ATP8B4: variants seen among roughly 807,000 people sequenced by gnomAD.
ATP8B4 encodes the protein probable phospholipid-transporting ATPase IM.
A neutral mutation model predicts 145.6 loss-of-function variants in ATP8B4; 133 were observed. The ratio of observed to expected loss-of-function variants is 0.91; its 90% CI spans 0.79 to 1.05. The LOEUF is 1.05. Among genes scored for constraint, ATP8B4 ranks in the 50% least tolerant of loss-of-function variants. The pLI is 0.00. For synonymous variants in ATP8B4, 507 were observed against 492.9 expected (o/e 1.03, Z -0.38); for missense variants, 1,458 against 1,425.2 (o/e 1.02, Z -0.37).
At chr15:49,922,839 C>G (rs1259256063) in intron 17 of ATP8B4, among the ~76,000 whole-genome samples, 1 of 152,180 alleles carries the variant, frequency 6.6e-6, no homozygotes, top group Non-Finnish European at 1.5e-5. Flanking sequence ...TCAGAATATA[C>G]AAGTTTGGTG....
chr15:50,050,834 T>A (rs1413238566), intron 3 of ATP8B4, among the ~76,000 whole-genome samples: 1 of 152,110 alleles, frequency 6.6e-6, no homozygotes, highest in Non-Finnish European at 1.5e-5. Flanking sequence ...TCCACAAAGA[T>A]AACATGAGAA....
intron 12 of ATP8B4, among the ~76,000 whole-genome samples, chr15:49,973,064 G>A (rs768537359): frequency 3.6e-4 from 54 of 152,084 alleles, no homozygotes; most frequent in Admixed American, 1.2e-3. Context: ...AAACAGGCCC[G>A]GTGGAGACTT....
chr15:50,098,492 C>A (rs1337612502), intron 2 of ATP8B4, among the ~76,000 whole-genome samples: 2 of 151,472 alleles, frequency 1.3e-5, no homozygotes, highest in Non-Finnish European at 2.9e-5. Flanking sequence ...CTATGTGGCC[C>A]AGGCTGGTCT....
At chr15:50,026,016 T>A (rs2049981636) in intron 6 of ATP8B4, among the ~76,000 whole-genome samples, 1 of 152,212 alleles carries the variant, frequency 6.6e-6, no homozygotes, top group Non-Finnish European at 1.5e-5. Context: ...ATTTCTTCCA[T>A]CTGGAATACA....
chr15:50,120,179 C>T (rs1031461253), upstream of ATP8B4, among the ~76,000 whole-genome samples: 1 of 152,046 alleles, frequency 6.6e-6, no homozygotes, highest in African/African-American at 2.4e-5. Flanking sequence ...TAATCCCCTG[C>T]GCACCATCAA....
intron 1 of ATP8B4, among the ~76,000 whole-genome samples, chr15:50,116,791 G>C (rs12908812): frequency 5.9e-5 from 9 of 152,096 alleles, no homozygotes; most frequent in Non-Finnish European, 1.2e-4. Context: ...TCAAACTCCA[G>C]TTGAGTAAAT....
At chr15:49,954,048 G>T (rs925794290) in intron 14 of ATP8B4, among the ~76,000 whole-genome samples, 9 of 151,672 alleles carry the variant, frequency 5.9e-5, no homozygotes, top group African/African-American at 2.2e-4. Context: ...TTGGTTGCCG[G>T]TGAAGGATTC....
chr15:50,102,879 A>G (rs2056455641), intron 2 of ATP8B4, among the ~76,000 whole-genome samples: 1 of 152,148 alleles, frequency 6.6e-6, no homozygotes, highest in South Asian at 2.1e-4. Context: ...ACAACATATC[A>G]AAAAGATTCT....
intron 14 of ATP8B4, among the ~76,000 whole-genome samples, chr15:49,947,451 A>AAG (rs1567051777): frequency 6.6e-6 from 1 of 151,556 alleles, no homozygotes; most frequent in East Asian, 1.9e-4. Flanking sequence ...AAAAAAAAAA[A>AAG]AAAAGAAAAC....
chr15:50,053,940 T>C (rs2052382738), intron 3 of ATP8B4, among the ~76,000 whole-genome samples: 1 of 152,220 alleles, frequency 6.6e-6, no homozygotes. Context: ...TTTGGGAGAT[T>C]GCCTCAATTT....
intron 1 of ATP8B4, among the ~76,000 whole-genome samples, chr15:50,165,498 G>A (rs980869366): frequency 2.0e-5 from 3 of 152,082 alleles, no homozygotes; most frequent in Non-Finnish European, 4.4e-5. Context: ...GGCAATCACT[G>A]GAGGCTTCTC....
chr15:50,070,371 T>C (rs946222725), intron 3 of ATP8B4, among the ~76,000 whole-genome samples: 1 of 152,144 alleles, frequency 6.6e-6, no homozygotes. Context: ...GACTAGCTCA[T>C]AGGGTTGTTG....
At chr15:49,917,611 T>C (rs2039873697) in intron 19 of ATP8B4, among the ~76,000 whole-genome samples, 1 of 152,196 alleles carries the variant, frequency 6.6e-6, no homozygotes. Context: ...CCCAGCACTG[T>C]TCTCCTAGAG....
chr15:50,115,613 A>C (rs1397905574), intron 1 of ATP8B4, among the ~76,000 whole-genome samples: 1 of 151,992 alleles, frequency 6.6e-6, no homozygotes, highest in Non-Finnish European at 1.5e-5. Context: ...AGTGATAGTC[A>C]TGGCAAGCAG....
chr15:50,106,014 C>T (rs1011454280), intron 2 of ATP8B4, among the ~76,000 whole-genome samples: 47 of 152,160 alleles, frequency 3.1e-4, no homozygotes, highest in African/African-American at 1.1e-3. Flanking sequence ...TAATTAATGG[C>T]CTGTGGGTGG....
At chr15:49,869,195 A>G (rs1432234688) in intron 25 of ATP8B4, among the ~76,000 whole-genome samples, 1 of 151,988 alleles carries the variant, frequency 6.6e-6, no homozygotes, top group Non-Finnish European at 1.5e-5. Context: ...TACAGGCGTG[A>G]GCCACTGAGC....
intron 23 of ATP8B4, among the ~76,000 whole-genome samples, chr15:49,886,497 T>A (rs1367402936): frequency 6.6e-6 from 1 of 152,212 alleles, no homozygotes; most frequent in Non-Finnish European, 1.5e-5. Context: ...CTAATCATAT[T>A]TTTATAAAAA....
rs146316535 is a variant in ATP8B4, at chr15:50,140,264, A to G, written c.-42-33256T>C. Among the ~76,000 whole-genome samples the G allele has an allele frequency of 2.8e-4, 42 of 152,312 alleles. No individual in the cohort carries two copies. The East Asian group carries it at 7.5e-3, about 27-fold the overall frequency. The stretch of plus-strand genomic sequence containing the variant: ...ATCTAGGAGCTCCCCCAGGGTAACC[A>G]TGACAACACTAGTTTCCAAGAAGCA... On this transcript the variant is annotated intron_variant, in intron 1 of 3. Coordinates refer to the ATP8B4 transcript ENST00000558829.
chr15:49,866,604 A>G (rs907931519), intron 25 of ATP8B4, 120 bp from the exon 26 acceptor site: 4 of 1,226,506 alleles, frequency 3.3e-6, no homozygotes, highest in Non-Finnish European at 4.6e-6. Flanking sequence ...CTAGTTGCCA[A>G]GCCAACCGCG....
Sources: allele counts gnomAD v4.1 joint callset (sites outside exome capture counted in the v4.1 genomes callset), GRCh38; gene constraint gnomAD v4.1.1; transcripts MANE v1.5; gene names NCBI Gene and HGNC (gene_info 2026-07-23, HGNC 2026-07-21).